The following FNDC3B variants were observed in gnomAD, a reference collection of about 807,000 sequenced individuals.
FNDC3B encodes fibronectin type III domain containing 3B.
In FNDC3B, 12 loss-of-function variants were observed where a neutral mutation model predicts 151.5. The ratio of observed to expected loss-of-function variants is 0.08; its 90% CI spans 0.05 to 0.13. FNDC3B has a LOEUF of 0.13. Among genes scored for constraint, FNDC3B ranks in the 10% least tolerant of loss-of-function variants. The pLI is 1.00. For missense variants in FNDC3B, 1,214 were observed against 1,505.3 expected, an observed-to-expected ratio of 0.81 and a Z score of 3.20; for synonymous variants, 528 against 549.0, an observed-to-expected ratio of 0.96 and a Z score of 0.54.
At chr3:172,362,521 A>G in intron 22 of FNDC3B, 112 bp from the exon 23 acceptor site, 2 of 824,872 alleles carry the variant, frequency 2.4e-6, no homozygotes, top group Admixed American at 2.3e-5. Flanking sequence ...TCTTCATTCT[A>G]TGTTATTGCT....
At chr3:172,129,475 G>T (rs6763970) in intron 2 of FNDC3B, among the ~76,000 whole-genome samples, 85,257 of 151,954 alleles carry the variant, frequency 0.56, 24,411 homozygotes, top group Non-Finnish European at 0.63. Flanking sequence ...ACAGAGTTAG[G>T]TTTAGATTTA....
chr3:172,123,152 C>T (rs1306297251), intron 2 of FNDC3B, among the ~76,000 whole-genome samples: 1 of 152,188 alleles, frequency 6.6e-6, no homozygotes, highest in Non-Finnish European at 1.5e-5. Context: ...TATCCTCTCA[C>T]CTCAGCCTCC....
chr3:172,087,105 G>A (rs760076716), intron 1 of FNDC3B, among the ~76,000 whole-genome samples: 7 of 152,100 alleles, frequency 4.6e-5, no homozygotes, highest in Non-Finnish European at 1.0e-4. Context: ...GAATCCAAAC[G>A]GAATGAGAAG....
At chr3:172,187,180 T>C (rs549465666) in intron 3 of FNDC3B, 1 of 156,398 alleles carries the variant, frequency 6.4e-6, no homozygotes, top group South Asian at 2.0e-4. Context: ...TGTTAGACTG[T>C]CCAAAAGTGT....
chr3:172,153,073 G>A (rs775606598), intron 3 of FNDC3B, among the ~76,000 whole-genome samples: 36 of 152,224 alleles, frequency 2.4e-4, no homozygotes, highest in Non-Finnish European at 2.9e-4. Flanking sequence ...CATGGGTGTC[G>A]GGACCGCTGA....
chr3:172,397,083 G>T, intron 25 of FNDC3B, 81 bp from the exon 26 acceptor site: 1 of 1,070,778 alleles, frequency 9.3e-7, no homozygotes, highest in East Asian at 2.4e-5. Flanking sequence ...AAGAGTGAAT[G>T]GAGTGAATCT....
At chr3:172,317,663 C>A (rs180805788) in intron 11 of FNDC3B, among the ~76,000 whole-genome samples, 35 of 152,280 alleles carry the variant, frequency 2.3e-4, no homozygotes, top group East Asian at 7.7e-4. Flanking sequence ...TGGACAACAG[C>A]CGATTCAGTG....
chr3:172,267,759 A>G (rs1217425368), intron 6 of FNDC3B, among the ~76,000 whole-genome samples: 1 of 152,232 alleles, frequency 6.6e-6, no homozygotes, highest in Non-Finnish European at 1.5e-5. Context: ...TAAGATTTAC[A>G]AAGTTTAAAA....
intron 11 of FNDC3B, among the ~76,000 whole-genome samples, chr3:172,320,059 A>G (rs1171672927): frequency 6.6e-6 from 1 of 152,192 alleles, no homozygotes; most frequent in Non-Finnish European, 1.5e-5. Context: ...AGAGCAGCTC[A>G]GGAAGGCAGC....
intron 1 of FNDC3B, among the ~76,000 whole-genome samples, chr3:172,071,872 T>C (rs893612953): frequency 6.6e-6 from 1 of 152,034 alleles, no homozygotes; most frequent in Non-Finnish European, 1.5e-5. Flanking sequence ...ATAGATGTTG[T>C]ATTTATCCTT....
intron 3 of FNDC3B, among the ~76,000 whole-genome samples, chr3:172,171,527 A>T (rs1723281701): frequency 6.6e-6 from 1 of 151,036 alleles, no homozygotes; most frequent in Admixed American, 6.6e-5. Flanking sequence ...ATTGGTGGAG[A>T]TGGGGTTGGG....
rs547019814 is a variant in FNDC3B at position 172,307,563 on chromosome 3, C to T, written c.1200+62C>T. 4.4e-5 allele frequency: 68 copies of T among 1,559,294 alleles called. 1 individual carries two copies. In the Admixed American group the frequency reaches 5.9e-4, roughly 14 times the overall value. On this transcript the variant is annotated intron_variant, in intron 10 of 25. Transcript: ENST00000415807. ...AAAAATTAGCCAGGTGTGGTGGCAACGTGTTCCTAGTCCCAGCTACCTGGG... is the reference window on the plus strand; with the variant it reads ...AAAAATTAGCCAGGTGTGGTGGCAATGTGTTCCTAGTCCCAGCTACCTGGG...
chr3:172,401,588 A>G lies in FNDC3B; in HGVS notation c.*4113A>G, dbSNP rs904361299. 1 of 152,308 alleles carries G rather than the reference A, an allele frequency of 6.6e-6. No individual in the cohort carries two copies. 9.4% of individuals were successfully genotyped at this position (152,308 alleles called of 1,614,324 possible). A position where few individuals can be genotyped will look rare whatever the true frequency, so the allele number is the denominator to read the frequency against. On this transcript the variant is annotated 3_prime_UTR_variant, in exon 26 of 26. Transcript: ENST00000415807. Reference sequence around the variant, plus strand: ...CTTCCTCTCCCCTGACGAACTCTATAGAGTGTTCATGTCCTTTCCTGCAGG... The same window carrying G: ...CTTCCTCTCCCCTGACGAACTCTATGGAGTGTTCATGTCCTTTCCTGCAGG...
At chr3:172,123,352 T>TTTG (rs1364030986) in intron 2 of FNDC3B, among the ~76,000 whole-genome samples, 1 of 152,124 alleles carries the variant, frequency 6.6e-6, no homozygotes, top group Non-Finnish European at 1.5e-5. Flanking sequence ...AACCAAACCT[T>TTTG]TTGTTGTTGT....
intron 3 of FNDC3B, among the ~76,000 whole-genome samples, chr3:172,153,883 G>A (rs1331500653): frequency 2.6e-5 from 4 of 152,116 alleles, no homozygotes; most frequent in African/African-American, 9.7e-5. Flanking sequence ...CTGCAGACAG[G>A]TAGTAAAGAA....
chr3:172,094,037 C>T (rs1471919898), intron 1 of FNDC3B, among the ~76,000 whole-genome samples: 1 of 150,990 alleles, frequency 6.6e-6, no homozygotes, highest in African/African-American at 2.4e-5. Flanking sequence ...TGTGTAACCA[C>T]CACCACTAGC....
intron 13 of FNDC3B, 145 bp downstream of exon 13, chr3:172,330,860 G>T: frequency 1.6e-6 from 1 of 616,818 alleles, no homozygotes; most frequent in Non-Finnish European, 2.8e-6. Context: ...TACCAACACC[G>T]GCCTGTTCTT....
intron 3 of FNDC3B, among the ~76,000 whole-genome samples, chr3:172,210,210 G>GC (rs1042467745): frequency 2.4e-4 from 37 of 152,100 alleles, no homozygotes; most frequent in Non-Finnish European, 1.3e-4. Flanking sequence ...CCACGAAGCC[G>GC]CCCCCCACTC....
chr3:172,358,080 C>G (rs1734185987), intron 22 of FNDC3B, among the ~76,000 whole-genome samples: 1 of 152,140 alleles, frequency 6.6e-6, no homozygotes, highest in South Asian at 2.1e-4. Context: ...TATGGTGTGC[C>G]AGACACACAG....
Sources: allele counts gnomAD v4.1 joint callset (sites outside exome capture counted in the v4.1 genomes callset), GRCh38; gene constraint gnomAD v4.1.1; transcripts MANE v1.5; gene names NCBI Gene and HGNC (gene_info 2026-07-23, HGNC 2026-07-21).